The following OTOG variants were observed in gnomAD, a reference collection of about 807,000 sequenced individuals.
OTOG encodes otogelin.
OTOG carries 296 observed loss-of-function variants against 313.8 expected under a neutral mutation model. The observed-to-expected ratio is 0.94, with a 90% CI of 0.86 to 1.04. The LOEUF is 1.04. OTOG is among the 50% of genes least tolerant of loss of function. The pLI is 0.00. For synonymous variants in OTOG, 1,533 were observed against 1,554.9 expected, an observed-to-expected ratio of 0.99 and a Z score of 0.33; for missense variants, 3,948 against 3,840.1, an observed-to-expected ratio of 1.03 and a Z score of -0.74.
intron 12 of OTOG, among the ~76,000 whole-genome samples, chr11:17,560,496 G>A (rs1852157237): frequency 6.6e-6 from 1 of 152,184 alleles, no homozygotes; most frequent in Non-Finnish European, 1.5e-5. Flanking sequence ...GTTGTGGGCA[G>A]TTCTCTGAGC....
Position 17,608,413 on chromosome 11 carries a change from G to C in OTOG, c.4274G>C (p.Arg1425Thr). ...GCAGCCAGCTGCCGGGACGTACCCA[G>C]GTGAGATGCCAGGGGCTGTGGGCAT... ...PRAASCRDVPRVEGCVPVCPT... is the reference protein window; with the variant it reads ...PRAASCRDVPTVEGCVPVCPT... Residue 1425 changes from arginine (R) to threonine (T), a missense_variant and splice_region_variant, in exon 34 of 56, where the codon AGG becomes ACG. Physicochemically the swap from Arg to Thr is moderately conservative, Grantham distance 71. Coordinates refer to ENST00000399397, the MANE Select transcript of OTOG (RefSeq NM_001292063.2). 2 of 1,532,178 alleles carry C rather than the reference G, an allele frequency of 1.3e-6. No individual in the cohort carries two copies. The highest frequency in any genetic ancestry group is 1.2e-5 in the South Asian group (1 of 80,844). The allele number at this position is 1,532,178 out of a possible 1,614,324, so 94.9% of individuals were successfully genotyped here. A position where few individuals can be genotyped will look rare whatever the true frequency, so the allele number is the denominator to read the frequency against.
chr11:17,614,141 A>G (rs1293928048), intron 39 of OTOG, among the ~76,000 whole-genome samples: 1 of 152,134 alleles, frequency 6.6e-6, no homozygotes, highest in Non-Finnish European at 1.5e-5. Context: ...GGGGTATCCA[A>G]CAACAGCCCA....
At chr11:17,575,553 G>A (rs1175645373) in intron 20 of OTOG, among the ~76,000 whole-genome samples, 2 of 152,202 alleles carry the variant, frequency 1.3e-5, no homozygotes, top group Non-Finnish European at 2.9e-5. Context: ...AGAGCAGCAG[G>A]AGGATAGTGG....
At position 17,634,107 on chromosome 11, in the gene OTOG, G is replaced by T; in HGVS notation, c.7306G>T (p.Glu2436Ter). ...DSMGVPRALG[E>*]TWNSSLSGCC... is the part of the protein sequence containing the mutation. ...CATGGGGGTGCCGAGGGCCCTGGGG[G>T]AGACCTGGAACAGCTCCCTCAGCGG... The change falls in exon 44 of 56, where the codon GAG (glutamate) becomes TAG (stop). Residue 2436 changes from glutamate to a stop codon, truncating the protein, a stop_gained. Coordinates refer to ENST00000399397, the MANE Select transcript of OTOG (RefSeq NM_001292063.2). LOFTEE classifies it high-confidence loss of function. 6.5e-7 allele frequency: 1 copy of T among 1,548,370 alleles called. No individual in the cohort carries two copies. Among genetic ancestry groups the T allele is most frequent in the South Asian group, 1.2e-5 (1 of 83,990 alleles).
intron 48 of OTOG, 116 bp downstream of exon 48, chr11:17,638,665 G>T: frequency 1.3e-6 from 2 of 1,491,882 alleles, no homozygotes; most frequent in Non-Finnish European, 1.8e-6. Context: ...CCCCTGCAGG[G>T]TCTCTAGAGG....
chr11:17,624,544 T>G, intron 39 of OTOG, among the ~76,000 whole-genome samples: 1 of 152,250 alleles, frequency 6.6e-6, no homozygotes, highest in East Asian at 1.9e-4. Flanking sequence ...TATGCTGTTT[T>G]AGTTACTGTA....
chr11:17,556,083 A>AT (rs137980843), intron 7 of OTOG, among the ~76,000 whole-genome samples, 186 bp downstream of exon 7: 2,996 of 150,814 alleles, frequency 0.02, 69 homozygotes, highest in African/African-American at 0.052. Context: ...TTGCAGAATG[A>AT]TTTTTTTTTT....
chr11:17,577,329 T>C (rs1451776591), intron 22 of OTOG, among the ~76,000 whole-genome samples: 1 of 151,994 alleles, frequency 6.6e-6, no homozygotes, highest in Non-Finnish European at 1.5e-5. Flanking sequence ...GCCTGGGCTT[T>C]TGAGACCCTC....
rs1401138622 is a variant in OTOG, at chr11:17,612,619, G to T, written c.6293-1G>T. 1 of 1,549,824 alleles carries T rather than the reference G, an allele frequency of 6.5e-7. No homozygotes were observed. The highest frequency in any genetic ancestry group is 8.7e-7 in the Non-Finnish European group (1 of 1,146,518). On this transcript the variant is annotated splice_acceptor_variant, in intron 37 of 55. Coordinates refer to ENST00000399397, the MANE Select transcript of OTOG (RefSeq NM_001292063.2). LOFTEE classifies it high-confidence loss of function. ...CTTCTTGTGCCCTGCCCCTCCCCCA[G>T]GCCGGTGCTCAATCTTCCCTGACCT...
At chr11:17,631,963 G>A in intron 41 of OTOG, 41 bp downstream of exon 41, 2 of 1,545,074 alleles carry the variant, frequency 1.3e-6, no homozygotes, top group Non-Finnish European at 1.7e-6. Context: ...CACCTCCTGG[G>A]CTGGCTGGGG....
intron 15 of OTOG, among the ~76,000 whole-genome samples, chr11:17,563,084 G>A (rs1473417469): frequency 6.6e-6 from 1 of 152,190 alleles, no homozygotes; most frequent in Non-Finnish European, 1.5e-5. Context: ...AGGGCTTCCT[G>A]GAAGACATGA....
chr11:17,640,823 G>A lies in OTOG; in HGVS notation c.8011+3G>A, dbSNP rs756446276. 50 of 1,550,344 alleles carry A rather than the reference G, an allele frequency of 3.2e-5. No homozygotes were observed. In the African/African-American group the frequency reaches 5.6e-4, roughly 17 times the overall value. On this transcript the variant is annotated splice_donor_region_variant and intron_variant, in intron 50 of 55. Coordinates refer to ENST00000399397, the MANE Select transcript of OTOG (RefSeq NM_001292063.2). The stretch of plus-strand genomic sequence containing the variant: ...TGGCTGCGCCAAGTACGAGTGTGGT[G>A]AGTGGGGGAAGCCTCGGGGCAGAGC...
At chr11:17,642,377 C>T (rs994094562) in intron 53 of OTOG, 131 bp downstream of exon 53, 3 of 1,233,398 alleles carry the variant, frequency 2.4e-6, no homozygotes, top group African/African-American at 3.1e-5. Flanking sequence ...CACTGCCACC[C>T]CAAATCCATA....
chr11:17,617,504 T>C (rs1432058242), intron 39 of OTOG, among the ~76,000 whole-genome samples: 1 of 152,112 alleles, frequency 6.6e-6, no homozygotes, highest in African/African-American at 2.4e-5. Flanking sequence ...GCTATTTTGT[T>C]TATATATTTC....
Position 17,602,216 on chromosome 11 carries a change from G to A in OTOG, c.3716G>A (p.Gly1239Asp), listed in dbSNP as rs1161137093. ...YDCDFFNKVL[G>D]KGPYQLSSLA... ...TGGGGCCTCTTCTCTCCAGTGCTAG[G>A]TAAGGGCCCCTATCAGCTATCCAGC... is the stretch of plus-strand genomic sequence containing the variant. Residue 1239 changes from glycine (G) to aspartate (D), a missense_variant, in exon 32 of 56, where the codon GGT (glycine) becomes GAT (aspartate). Transcript: ENST00000399397. 3 of 1,550,200 alleles carry A rather than the reference G, an allele frequency of 1.9e-6. No individual in the cohort carries two copies. Among genetic ancestry groups the A allele is most frequent in the Non-Finnish European group, 2.6e-6 (3 of 1,146,944 alleles).
intron 22 of OTOG, among the ~76,000 whole-genome samples, chr11:17,577,196 G>A (rs1852549452): frequency 1.3e-5 from 2 of 152,242 alleles, no homozygotes; most frequent in South Asian, 4.1e-4. Flanking sequence ...CACGTTGGGT[G>A]TCTGGGCAGT....
intron 39 of OTOG, among the ~76,000 whole-genome samples, chr11:17,619,583 T>C (rs1020033133): frequency 2.0e-5 from 3 of 152,196 alleles, no homozygotes; most frequent in Non-Finnish European, 4.4e-5. Context: ...GCTTTAGATA[T>C]TACAGTATGT....
At chr11:17,584,286 T>C (rs1852741151) in intron 23 of OTOG, among the ~76,000 whole-genome samples, 1 of 152,186 alleles carries the variant, frequency 6.6e-6, no homozygotes. Flanking sequence ...AATTTTTACA[T>C]CTCCCATGTT....
intron 39 of OTOG, among the ~76,000 whole-genome samples, chr11:17,620,078 T>C: frequency 6.6e-6 from 1 of 152,246 alleles, no homozygotes; most frequent in East Asian, 1.9e-4. Context: ...CCTGTCTTTT[T>C]TTTATTGAGG....
Sources: allele counts gnomAD v4.1 joint callset (sites outside exome capture counted in the v4.1 genomes callset), GRCh38; gene constraint gnomAD v4.1.1; transcripts MANE v1.5; gene names NCBI Gene and HGNC (gene_info 2026-07-23, HGNC 2026-07-21).